The following BCHE variants were observed in gnomAD, a reference collection of about 807,000 sequenced individuals.
BCHE encodes butyrylcholinesterase, also known as cholinesterase.
A neutral mutation model predicts 51.3 loss-of-function variants in BCHE; 48 were observed. The ratio of observed to expected loss-of-function variants is 0.94; its 90% CI spans 0.74 to 1.19. The LOEUF is 1.19. Ranked by LOEUF, BCHE falls within the 50% of genes most tolerant of loss-of-function variation. BCHE has a pLI of 0.00. For synonymous variants in BCHE, 251 were observed against 238.0 expected (o/e 1.05, Z -0.50); for missense variants, 847 against 708.2 (o/e 1.20, Z -2.23).
At chr3:165,836,411 TTTA>T (rs1715189265) in intron 1 of BCHE, among the ~76,000 whole-genome samples, 1 of 151,880 alleles carries the variant, frequency 6.6e-6, no homozygotes, top group Non-Finnish European at 1.5e-5. Flanking sequence ...CCTAATTGAG[TTTA>T]TTATCATGAA....
At chr3:165,812,316 T>G (rs1322177547) in intron 2 of BCHE, among the ~76,000 whole-genome samples, 1 of 151,408 alleles carries the variant, frequency 6.6e-6, no homozygotes, top group Non-Finnish European at 1.5e-5. Flanking sequence ...ACTACGTTTA[T>G]CATGTATTTT....
rs1713681161 is a variant in BCHE at position 165,802,243 on chromosome 3, TGAGTA to T, written c.1518-15937_1518-15933del. 3.3e-5 allele frequency among the ~76,000 whole-genome samples: 5 copies of T among 152,286 alleles called. No individual in the cohort carries two copies. The Middle Eastern group carries it at 0.01, about 311-fold the overall frequency. On this transcript the variant is annotated intron_variant, in intron 2 of 3. Coordinates refer to ENST00000264381, the MANE Select transcript of BCHE (RefSeq NM_000055.4). Reference sequence around the variant, plus strand: ...GTGATATCAAGGAGACCAAGTTGGTTGAGTATAGTGAGCAGAGAGATTATCTTATC... The same window carrying T: ...GTGATATCAAGGAGACCAAGTTGGTTTAGTGAGCAGAGAGATTATCTTATC...
intron 2 of BCHE, among the ~76,000 whole-genome samples, chr3:165,821,929 A>AG (rs199551703): frequency 0.064 from 9,677 of 152,036 alleles, 390 homozygotes; most frequent in African/African-American, 0.097. Flanking sequence ...TGAAAAATGT[A>AG]TTAATACATT....
At chr3:165,811,489 T>G (rs969420225) in intron 2 of BCHE, among the ~76,000 whole-genome samples, 3 of 152,036 alleles carry the variant, frequency 2.0e-5, no homozygotes, top group African/African-American at 7.2e-5. Context: ...AAAATTATTT[T>G]AAACATAAGG....
rs1291290900 is a variant in BCHE at position 165,831,173 on chromosome 3, T to G, written c.-8-132A>C. On this transcript the variant is annotated intron_variant, in intron 1 of 3. Transcript: ENST00000264381. ...ATGAAAACAAATAAACCTGCTTCTGTAAAGGCCTACATAGGAAAAAATAGA... is the reference window on the plus strand; with the variant it reads ...ATGAAAACAAATAAACCTGCTTCTGGAAAGGCCTACATAGGAAAAAATAGA... 11 of 810,904 alleles carry G rather than the reference T, an allele frequency of 1.4e-5. No homozygotes were observed. In the East Asian group the frequency reaches 3.0e-4, roughly 22 times the overall value. 50.2% of individuals were successfully genotyped at this position (810,904 alleles called of 1,614,324 possible).
At chr3:165,794,966 A>C (rs1261351963) in intron 2 of BCHE, among the ~76,000 whole-genome samples, 1 of 152,170 alleles carries the variant, frequency 6.6e-6, no homozygotes, top group African/African-American at 2.4e-5. Flanking sequence ...CTATTTTTTC[A>C]TGTCCAGTGC....
Position 165,773,100 on chromosome 3 carries a change from T to G in BCHE, c.*282A>C. On this transcript the variant is annotated 3_prime_UTR_variant, in exon 4 of 4. Transcript: ENST00000264381. ...ATAATTTTGGGGGGAAAAACTTAAA[T>G]TTATTAAGGAAAGAAAGAAATTGAA... 3.9e-6 allele frequency: 1 copy of G among 258,660 alleles called. No individual in the cohort carries two copies. Among genetic ancestry groups the G allele is most frequent in the Non-Finnish European group, 7.4e-6 (1 of 136,046 alleles). The allele number at this position is 258,660 out of a possible 1,614,324, so 16.0% of individuals were successfully genotyped here.
At chr3:165,797,846 T>C (rs945392426) in intron 2 of BCHE, among the ~76,000 whole-genome samples, 6 of 152,182 alleles carry the variant, frequency 3.9e-5, no homozygotes, top group Admixed American at 3.3e-4. Context: ...AATCTTAAAA[T>C]AGCTTGATTT....
intron 2 of BCHE, among the ~76,000 whole-genome samples, chr3:165,792,302 A>C (rs1209381680): frequency 6.6e-6 from 1 of 152,216 alleles, no homozygotes; most frequent in Non-Finnish European, 1.5e-5. Flanking sequence ...TTTGATAAAA[A>C]AAATCTAAGT....
intron 2 of BCHE, among the ~76,000 whole-genome samples, chr3:165,821,929 A>G (rs1560019305): frequency 6.6e-6 from 1 of 152,060 alleles, no homozygotes; most frequent in African/African-American, 2.4e-5. Flanking sequence ...TGAAAAATGT[A>G]TTAATACATT....
At chr3:165,816,015 T>C (rs1714301749) in intron 2 of BCHE, among the ~76,000 whole-genome samples, 2 of 151,908 alleles carry the variant, frequency 1.3e-5, no homozygotes, top group African/African-American at 4.8e-5. Context: ...GATTTGTCTT[T>C]CATCAAAAAA....
At chr3:165,833,071 A>T (rs1715049248) in intron 1 of BCHE, among the ~76,000 whole-genome samples, 2 of 152,146 alleles carry the variant, frequency 1.3e-5, no homozygotes, top group African/African-American at 2.4e-5. Context: ...TTTACATATA[A>T]AATGACTGCT....
At chr3:165,824,166 A>G (rs909194174) in intron 2 of BCHE, among the ~76,000 whole-genome samples, 1 of 151,666 alleles carries the variant, frequency 6.6e-6, no homozygotes, top group African/African-American at 2.4e-5. Flanking sequence ...GGAAAACATC[A>G]ATAAATTATA....
intron 3 of BCHE, among the ~76,000 whole-genome samples, chr3:165,775,873 G>GT (rs1448882559): frequency 6.6e-6 from 1 of 151,906 alleles, no homozygotes. Context: ...AAAATATTGA[G>GT]TTTGAAGTAA....
intron 2 of BCHE, among the ~76,000 whole-genome samples, chr3:165,825,380 G>A (rs1714679999): frequency 6.6e-6 from 1 of 151,426 alleles, no homozygotes; most frequent in South Asian, 2.1e-4. Flanking sequence ...AAACCATAAA[G>A]CAAGAAGAAA....
chr3:165,782,077 A>C (rs1383291658), intron 3 of BCHE, among the ~76,000 whole-genome samples: 1 of 152,130 alleles, frequency 6.6e-6, no homozygotes, highest in Non-Finnish European at 1.5e-5. Context: ...AAATCTAATA[A>C]GAGGTTAGAG....
chr3:165,804,830 A>G (rs1365072607), intron 2 of BCHE, among the ~76,000 whole-genome samples: 1 of 152,224 alleles, frequency 6.6e-6, no homozygotes, highest in African/African-American at 2.4e-5. Flanking sequence ...GTGTGTATAC[A>G]TGTTTATATC....
In BCHE at chr3:165,773,232, C is replaced by G. The variant is rs1712323268; in HGVS notation, c.*150G>C. 4.4e-6 allele frequency: 3 copies of G among 685,442 alleles called. No homozygotes were observed. The highest frequency in any genetic ancestry group is 7.1e-6 in the Non-Finnish European group (3 of 423,570). The allele number at this position is 685,442 out of a possible 1,614,324, so 42.5% of individuals were successfully genotyped here. A position where few individuals can be genotyped will look rare whatever the true frequency, so the allele number is the denominator to read the frequency against. On this transcript the variant is annotated 3_prime_UTR_variant, in exon 4 of 4. Transcript: ENST00000264381. Reference sequence around the variant, plus strand: ...GGGTTTTGAAATGCTAGGTAAAATACTAAGTTAAAGATGTGAGGAATCAAT... The same window carrying G: ...GGGTTTTGAAATGCTAGGTAAAATAGTAAGTTAAAGATGTGAGGAATCAAT...
Position 165,815,247 on chromosome 3 carries a change from GAAAA to G in BCHE, c.1517+14266_1517+14269del, listed in dbSNP as rs36087072. ...GATAGGTATTAACACTTTGATTTTA[GAAAA>G]AAAAAAAAAAATAAGGGCAAAGGAG... On this transcript the variant is annotated intron_variant, in intron 2 of 3. Transcript: ENST00000264381. Among the ~76,000 whole-genome samples, 280 of 145,174 alleles carry G rather than the reference GAAAA, an allele frequency of 1.9e-3. 1 individual carries two copies. The highest frequency in any genetic ancestry group is 7.0e-3 in the African/African-American group (273 of 39,184).
Sources: allele counts gnomAD v4.1 joint callset (sites outside exome capture counted in the v4.1 genomes callset), GRCh38; gene constraint gnomAD v4.1.1; transcripts MANE v1.5; gene names NCBI Gene and HGNC (gene_info 2026-07-23, HGNC 2026-07-21).